The following DYM variants were observed in gnomAD, a reference collection of about 807,000 sequenced individuals.
The protein encoded by DYM is dymeclin, also known as dyggve-Melchior-Clausen syndrome protein.
Under a neutral mutation model 93.1 loss-of-function variants are expected in DYM, and 78 were observed. The observed-to-expected ratio is 0.84, with a 90% confidence interval of 0.70 to 1.01. The LOEUF (loss-of-function observed/expected upper bound fraction) is 1.01. DYM is among the 50% of genes least tolerant of loss of function. DYM has a pLI of 0.00. For missense variants in DYM, 789 were observed against 845.0 expected, an observed-to-expected ratio of 0.93 and a Z score of 0.82; for synonymous variants, 321 against 319.7, an observed-to-expected ratio of 1.00 and a Z score of -0.04.
intron 14 of DYM, among the ~76,000 whole-genome samples, chr18:49,167,238 A>G (rs1166419805): frequency 1.3e-5 from 2 of 152,098 alleles, no homozygotes; most frequent in African/African-American, 4.8e-5. Context: ...TTTGCTTGCT[A>G]GTAGGACACC....
chr18:49,449,888 T>C (rs1170144729), intron 1 of DYM, among the ~76,000 whole-genome samples: 1 of 152,184 alleles, frequency 6.6e-6, no homozygotes, highest in African/African-American at 2.4e-5. Flanking sequence ...ACCTGGTATA[T>C]AATTAAAATC....
rs2091569443 is a variant in DYM at position 49,197,451 on chromosome 18, GAA to G, written c.1625+12098_1625+12099del. Among the ~76,000 whole-genome samples the G allele has an allele frequency of 3.3e-5, 5 of 152,178 alleles. No homozygotes were observed. The South Asian group carries it at 1.0e-3, about 32-fold the overall frequency. The stretch of plus-strand genomic sequence containing the variant: ...AGTTCATCTGTTGAGGTCAAGTAAA[GAA>G]GGCGGTGAAGTTTCTCAAAATGTGC... On this transcript the variant is annotated intron_variant, in intron 14 of 17. Coordinates refer to ENST00000675505, the MANE Select transcript of DYM (RefSeq NM_001353214.3).
chr18:49,144,793 T>A (rs1032118878), intron 15 of DYM, among the ~76,000 whole-genome samples: 14 of 152,006 alleles, frequency 9.2e-5, no homozygotes, highest in South Asian at 2.1e-4. Context: ...AATGTTTCCA[T>A]GTCAAAACCT....
intron 1 of DYM, 113 bp from the exon 2 acceptor site, chr18:49,430,560 A>C: frequency 1.2e-6 from 1 of 838,986 alleles, no homozygotes; most frequent in African/African-American, 1.7e-5. Flanking sequence ...TGTATTTATA[A>C]ATATATTAGA....
intron 1 of DYM, among the ~76,000 whole-genome samples, chr18:49,439,050 C>A (rs558005242): frequency 9.2e-5 from 14 of 152,330 alleles, no homozygotes; most frequent in African/African-American, 3.4e-4. Context: ...CTAAATCTGT[C>A]AGTAACTGAT....
intron 15 of DYM, among the ~76,000 whole-genome samples, chr18:49,161,062 A>T (rs904210498): frequency 6.6e-6 from 1 of 152,118 alleles, no homozygotes; most frequent in Admixed American, 6.6e-5. Flanking sequence ...TGTGATTTAC[A>T]AAGTCTCATA....
At chr18:49,201,755 A>T (rs2092007689) in intron 14 of DYM, among the ~76,000 whole-genome samples, 1 of 152,316 alleles carries the variant, frequency 6.6e-6, no homozygotes, top group African/African-American at 2.4e-5. Context: ...CTAATAGCAC[A>T]TTATCTATTC....
chr18:49,076,248 T>G (rs1304066560), intron 17 of DYM, among the ~76,000 whole-genome samples: 1 of 152,216 alleles, frequency 6.6e-6, no homozygotes, highest in East Asian at 1.9e-4. Flanking sequence ...GGAAAAATAT[T>G]ATGATGTTTT....
At chr18:49,157,894 T>G (rs1442853753) in intron 15 of DYM, among the ~76,000 whole-genome samples, 4 of 152,366 alleles carry the variant, frequency 2.6e-5, no homozygotes, top group Admixed American at 2.6e-4. Context: ...ATGTTGGCTC[T>G]GACATTTAGG....
chr18:49,441,913 TG>T (rs2081666333), intron 1 of DYM, among the ~76,000 whole-genome samples: 1 of 151,980 alleles, frequency 6.6e-6, no homozygotes, highest in Admixed American at 6.6e-5. Context: ...ATGCCAAGGT[TG>T]GGGAGGGTAA....
chr18:49,363,199 C>A lies in DYM; in HGVS notation c.456G>T (p.Leu152=). Residue 152 remains leucine (L), a synonymous_variant, in exon 6 of 18, where the codon CTG becomes CTT. Transcript: ENST00000675505. The stretch of plus-strand genomic sequence containing the variant: ...CAGTGATCAACTGCATCAAACAGCA[C>A]AGCAATTCTTCCAAAAGATCTTCTG... ...SDSEDLLEEL[L]CCLMQLITDI... 1 of 1,613,986 alleles carries A rather than the reference C, an allele frequency of 6.2e-7. No homozygotes were observed. The highest frequency in any genetic ancestry group is 1.1e-5 in the South Asian group (1 of 91,082).
chr18:49,446,936 G>T (rs1325322191), intron 1 of DYM, among the ~76,000 whole-genome samples: 1 of 152,028 alleles, frequency 6.6e-6, no homozygotes, highest in Non-Finnish European at 1.5e-5. Flanking sequence ...GCAGGCGCCT[G>T]TAATCCCAGC....
chr18:49,042,347 G>A lies in DYM; in HGVS notation c.*1708C>T, dbSNP rs2070991159. 1 of 152,498 alleles carries A rather than the reference G, an allele frequency of 6.6e-6. No individual in the cohort carries two copies. The highest frequency in any genetic ancestry group is 2.1e-4 in the South Asian group (1 of 4,830). The allele number at this position is 152,498 out of a possible 1,614,324, so 9.4% of individuals were successfully genotyped here. ...GGATGGGCGCTCCACGAGTCCCTTG[G>A]CCTTAGGGAACCTCTGTTTCATTCC... On this transcript the variant is annotated 3_prime_UTR_variant, in exon 18 of 18. Coordinates refer to ENST00000675505, the MANE Select transcript of DYM (RefSeq NM_001353214.3).
Position 49,444,591 on chromosome 18 carries a change from GCAGA to G in DYM, c.-53-14148_-53-14145del, listed in dbSNP as rs1206884956. 2.6e-5 allele frequency among the ~76,000 whole-genome samples: 4 copies of G among 152,130 alleles called. No homozygotes were observed. The East Asian group carries it at 5.8e-4, about 22-fold the overall frequency. ...ATCTCTACTGCCACACAAATATGCA[GCAGA>G]CATATTTTCCAAAATCAAATATTTC... On this transcript the variant is annotated intron_variant, in intron 1 of 17. Transcript: ENST00000675505.
chr18:49,337,304 T>C (rs1347905556), intron 6 of DYM, among the ~76,000 whole-genome samples: 1 of 152,206 alleles, frequency 6.6e-6, no homozygotes, highest in African/African-American at 2.4e-5. Context: ...CTGACCAACA[T>C]CCACCTCCTG....
At chr18:49,304,701 C>T (rs533205476) in intron 8 of DYM, among the ~76,000 whole-genome samples, 36 of 152,288 alleles carry the variant, frequency 2.4e-4, no homozygotes, top group African/African-American at 8.4e-4. Context: ...CAGACTACTC[C>T]ATCCATCAAC....
At chr18:49,377,463 G>C (rs1203514499) in intron 5 of DYM, among the ~76,000 whole-genome samples, 1 of 152,166 alleles carries the variant, frequency 6.6e-6, no homozygotes, top group Non-Finnish European at 1.5e-5. Context: ...AGGAGGCTGA[G>C]ACAGGAGAAT....
Position 49,216,477 on chromosome 18 carries a change from C to A in DYM, c.1461-6762G>T, listed in dbSNP as rs150650636. Among the ~76,000 whole-genome samples the A allele has an allele frequency of 2.6e-5, 4 of 152,306 alleles. No individual in the cohort carries two copies. The East Asian group carries it at 7.7e-4, about 29-fold the overall frequency. On this transcript the variant is annotated intron_variant, in intron 13 of 17. Coordinates refer to ENST00000675505, the MANE Select transcript of DYM (RefSeq NM_001353214.3). ...AAGTGGGTCCCTGACCCCTGACCCC[C>A]GAGCAGCCTAACTGGGAGGCACCCC...
At chr18:49,446,608 C>T (rs2082110819) in intron 1 of DYM, among the ~76,000 whole-genome samples, 1 of 152,154 alleles carries the variant, frequency 6.6e-6, no homozygotes, top group Admixed American at 6.6e-5. Flanking sequence ...ATAAATATTT[C>T]CTGAGTGCCC....
Sources: gnomAD v4.1 joint callset for allele counts (sites outside exome capture counted in the v4.1 genomes callset) on GRCh38, gnomAD v4.1.1 for gene constraint, MANE v1.5 for transcripts, NCBI Gene and HGNC (gene_info 2026-07-23, HGNC 2026-07-21) for gene names.